Variants in ZFAND3 observed in about 807,000 individuals in gnomAD.
ZFAND3 encodes the protein zinc finger AN1-type containing 3.
ZFAND3 carries 10 observed loss-of-function variants against 29.6 expected under a neutral mutation model. That is an observed-to-expected ratio of 0.34 (90% CI 0.21 to 0.57). The LOEUF (loss-of-function observed/expected upper bound fraction) is 0.57. Ranked by LOEUF, ZFAND3 falls within the 20% of genes least tolerant of loss-of-function variation. ZFAND3 has a pLI of 0.86. For synonymous variants in ZFAND3, 128 were observed against 112.6 expected (o/e 1.14, Z -0.87); for missense variants, 230 against 304.5 (o/e 0.76, Z 1.82).
At position 38,103,394 on chromosome 6, in the gene ZFAND3, CAT is replaced by C. The variant is rs750386963; in HGVS notation, c.362-13170_362-13169del. 2.8e-4 allele frequency among the ~76,000 whole-genome samples: 38 copies of C among 138,116 alleles called. 1 individual carries two copies. The highest frequency in any genetic ancestry group is 1.1e-3 in the South Asian group (5 of 4,556). The allele number at this position is 138,116 out of a possible 152,430, so 90.6% of individuals were successfully genotyped here. A position where few individuals can be genotyped will look rare whatever the true frequency, so the allele number is the denominator to read the frequency against. On this transcript the variant is annotated intron_variant, in intron 4 of 5. Coordinates refer to ENST00000287218, the MANE Select transcript of ZFAND3 (RefSeq NM_021943.3). The stretch of plus-strand genomic sequence containing the variant: ...CACACAATATATATATACACACACA[CAT>C]ATATATACACACACACGTATATACA...
chr6:37,824,805 A>G (rs759229909), intron 1 of ZFAND3, among the ~76,000 whole-genome samples: 1 of 152,218 alleles, frequency 6.6e-6, no homozygotes, highest in Non-Finnish European at 1.5e-5. Flanking sequence ...CATTTTTATA[A>G]TCATTGCTGT....
chr6:37,862,568 C>T (rs1764512239), intron 1 of ZFAND3, among the ~76,000 whole-genome samples: 1 of 151,324 alleles, frequency 6.6e-6, no homozygotes, highest in Admixed American at 6.6e-5. Context: ...CCTATAGGCT[C>T]AGCTACTCAG....
At chr6:37,857,400 A>G (rs1764404372) in intron 1 of ZFAND3, among the ~76,000 whole-genome samples, 1 of 152,226 alleles carries the variant, frequency 6.6e-6, no homozygotes, top group African/African-American at 2.4e-5. Flanking sequence ...GGTACTGTGG[A>G]AACAATGGTA....
At chr6:37,899,950 GCTT>G (rs1765289077) in intron 1 of ZFAND3, among the ~76,000 whole-genome samples, 1 of 152,032 alleles carries the variant, frequency 6.6e-6, no homozygotes, top group Non-Finnish European at 1.5e-5. Context: ...ATACTATTCA[GCTT>G]CTTATGATGT....
chr6:38,028,309 GT>G (rs1473264160), intron 2 of ZFAND3, among the ~76,000 whole-genome samples: 1 of 152,092 alleles, frequency 6.6e-6, no homozygotes. Context: ...TTTGAGTAGG[GT>G]TTATAGGACC....
intron 2 of ZFAND3, among the ~76,000 whole-genome samples, chr6:37,980,316 G>A (rs908346540): frequency 6.6e-6 from 1 of 152,118 alleles, no homozygotes; most frequent in Admixed American, 6.5e-5. Context: ...TTTGTTTAAG[G>A]ACCTTGTAGT....
At chr6:37,983,343 CTTTTTTTTTTTTTTTT>C (rs70981516) in intron 2 of ZFAND3, among the ~76,000 whole-genome samples, 22 of 50,052 alleles carry the variant, frequency 4.4e-4, no homozygotes, top group East Asian at 7.5e-4. Flanking sequence ...CAGTTTTTAT[CTTTTTTTTTTTTTTTT>C]TTTTTTTTTT....
intron 1 of ZFAND3, among the ~76,000 whole-genome samples, chr6:37,830,963 C>T (rs1316235920): frequency 1.3e-5 from 2 of 151,708 alleles, no homozygotes; most frequent in Admixed American, 6.6e-5. Context: ...TGAAGGGCCC[C>T]CTTTCTCGTC....
At position 38,082,294 on chromosome 6, in the gene ZFAND3, A is replaced by G. The variant is rs545289532; in HGVS notation, c.296-98A>G. 6.5e-6 allele frequency: 7 copies of G among 1,076,658 alleles called. No homozygotes were observed. The South Asian group carries it at 1.1e-4, about 16-fold the overall frequency. The allele number at this position is 1,076,658 out of a possible 1,614,324, so 66.7% of individuals were successfully genotyped here. Reference sequence around the variant, plus strand: ...TTCTCCTCGTTATATTTTCAGGTTGATCTTTTCCTTTTTAAAGTTTCTCTT... The same window carrying G: ...TTCTCCTCGTTATATTTTCAGGTTGGTCTTTTCCTTTTTAAAGTTTCTCTT... On this transcript the variant is annotated intron_variant, in intron 3 of 5. Transcript: ENST00000287218.
chr6:37,839,701 G>A (rs146886597), intron 1 of ZFAND3, among the ~76,000 whole-genome samples: 9,921 of 151,422 alleles, frequency 0.066, 395 homozygotes, highest in Non-Finnish European at 0.094. Flanking sequence ...TTTTAGTAGA[G>A]ACGGGGTGTC....
chr6:38,067,136 A>C (rs1764362626), intron 3 of ZFAND3, among the ~76,000 whole-genome samples: 1 of 152,184 alleles, frequency 6.6e-6, no homozygotes, highest in African/African-American at 2.4e-5. Context: ...CTCATTATAC[A>C]CAGGGGATTC....
Position 37,819,924 on chromosome 6 carries a change from A to T in ZFAND3, c.-22A>T, listed in dbSNP as rs1763628297. 1 of 1,207,010 alleles carries T rather than the reference A, an allele frequency of 8.3e-7. No homozygotes were observed. Among genetic ancestry groups the T allele is most frequent in the Non-Finnish European group, 1.0e-6 (1 of 973,772 alleles). 74.8% of individuals were successfully genotyped at this position (1,207,010 alleles called of 1,614,324 possible). A position where few individuals can be genotyped will look rare whatever the true frequency, so the allele number is the denominator to read the frequency against. On this transcript the variant is annotated 5_prime_UTR_variant, in exon 1 of 6. Transcript: ENST00000287218. ...GCCGCCGCCACCGCTGCCGCCGCCG[A>T]GCTCCGCCGCCGCCGAGCACCATGG...
intron 1 of ZFAND3, among the ~76,000 whole-genome samples, chr6:37,929,701 A>G (rs1358717202): frequency 6.6e-6 from 1 of 152,130 alleles, no homozygotes; most frequent in East Asian, 1.9e-4. Context: ...CAATAAATAA[A>G]AGCAAACATT....
intron 2 of ZFAND3, among the ~76,000 whole-genome samples, chr6:37,974,189 A>C (rs1299309040): frequency 1.3e-5 from 2 of 151,966 alleles, no homozygotes; most frequent in African/African-American, 4.8e-5. Context: ...CAGGCTGCCG[A>C]GTAGCTGGGA....
At chr6:38,067,000 A>G (rs1764359006) in intron 3 of ZFAND3, among the ~76,000 whole-genome samples, 1 of 152,212 alleles carries the variant, frequency 6.6e-6, no homozygotes, top group South Asian at 2.1e-4. Flanking sequence ...TATGTAAACA[A>G]AATTCAAATA....
intron 5 of ZFAND3, among the ~76,000 whole-genome samples, chr6:38,118,052 AGGGCATTTT>A (rs1765455575): frequency 1.3e-5 from 2 of 152,230 alleles, no homozygotes; most frequent in Non-Finnish European, 2.9e-5. Context: ...TAAGGTTTTT[AGGGCATTTT>A]GGTTATAGTG....
intron 2 of ZFAND3, among the ~76,000 whole-genome samples, chr6:37,958,935 C>T (rs752126250): frequency 2.0e-5 from 3 of 152,126 alleles, no homozygotes; most frequent in Non-Finnish European, 4.4e-5. Flanking sequence ...GTCAAAAGTA[C>T]AAAAATGGTT....
At chr6:37,897,338 A>G (rs1765238935) in intron 1 of ZFAND3, among the ~76,000 whole-genome samples, 3 of 152,164 alleles carry the variant, frequency 2.0e-5, no homozygotes, top group African/African-American at 2.4e-5. Context: ...TATGTCTGTA[A>G]GGTTCATCTT....
chr6:38,118,764 GAA>G lies in ZFAND3; in HGVS notation c.529+2037_529+2038del, dbSNP rs60723647. On this transcript the variant is annotated intron_variant, in intron 5 of 5. Transcript: ENST00000287218. ...GTCTTAGCATCCACCTGAAAAAAAA[GAA>G]AAAAAAAAAAACAGTAATATATGTT... Among the ~76,000 whole-genome samples, 27 of 139,694 alleles carry G rather than the reference GAA, an allele frequency of 1.9e-4. No homozygotes were observed. The East Asian group carries it at 2.8e-3, about 15-fold the overall frequency. 91.6% of individuals were successfully genotyped at this position (139,694 alleles called of 152,430 possible).
Sources: allele counts gnomAD v4.1 joint callset (sites outside exome capture counted in the v4.1 genomes callset), GRCh38; gene constraint gnomAD v4.1.1; transcripts MANE v1.5; gene names NCBI Gene and HGNC (gene_info 2026-07-23, HGNC 2026-07-21).